Variants in ABCA6 observed in about 807,000 individuals in gnomAD.
ABCA6 encodes ATP binding cassette subfamily A member 6.
ABCA6 carries 164 observed loss-of-function variants against 191.2 expected under a neutral mutation model. The ratio of observed to expected loss-of-function variants is 0.86; its 90% CI spans 0.76 to 0.98. The LOEUF (loss-of-function observed/expected upper bound fraction) is 0.98. Among genes scored for constraint, ABCA6 ranks in the 50% least tolerant of loss-of-function variants. ABCA6 has a pLI of 0.00. For missense variants in ABCA6, 1,958 were observed against 1,894.1 expected, an observed-to-expected ratio of 1.03 and a Z score of -0.63; for synonymous variants, 636 against 647.7, an observed-to-expected ratio of 0.98 and a Z score of 0.27.
intron 36 of ABCA6, among the ~76,000 whole-genome samples, chr17:69,082,223 CT>C (rs2144604237): frequency 6.6e-6 from 1 of 152,026 alleles, no homozygotes; most frequent in South Asian, 2.1e-4. Flanking sequence ...AAAATAGTAG[CT>C]TTTATGTCCT....
Position 69,091,180 on chromosome 17 carries a change from G to A in ABCA6, c.3491C>T (p.Ser1164Leu), listed in dbSNP as rs1200077585. 6.2e-7 allele frequency: 1 copy of A among 1,611,602 alleles called. No individual in the cohort carries two copies. The highest frequency in any genetic ancestry group is 2.2e-5 in the East Asian group (1 of 44,824). ...ILITTMVLVP[S>L]YTLLGFKTFL... Reference sequence around the variant, plus strand: ...AGTTTTAAATCCAAGCAAGGTATATGAAGGAACCAATACCATGGTGGTAAT... The same window carrying A: ...AGTTTTAAATCCAAGCAAGGTATATAAAGGAACCAATACCATGGTGGTAAT... Residue 1164 changes from serine (S) to leucine (L), a missense_variant, in exon 26 of 39, where the codon TCA becomes TTA. Coordinates refer to ENST00000284425, the MANE Select transcript of ABCA6 (RefSeq NM_080284.3).
Position 69,114,681 on chromosome 17 carries a change from A to C in ABCA6, c.1782+81T>G, listed in dbSNP as rs111895110. ...AATTTTATTCATAACAGGGCAAATA[A>C]ATCATTGAAGAGAATTCTGTGGTCA... On this transcript the variant is annotated intron_variant, in intron 13 of 38. Transcript: ENST00000284425. 145 of 1,370,404 alleles carry C rather than the reference A, an allele frequency of 1.1e-4. No individual in the cohort carries two copies. The African/African-American group carries it at 1.5e-3, about 14-fold the overall frequency. 84.9% of individuals were successfully genotyped at this position (1,370,404 alleles called of 1,614,324 possible).
chr17:69,116,391 C>A (rs1331141845), intron 11 of ABCA6, among the ~76,000 whole-genome samples: 1 of 151,946 alleles, frequency 6.6e-6, no homozygotes, highest in Non-Finnish European at 1.5e-5. Context: ...CTATTGTTGT[C>A]GTTGTCATTA....
In ABCA6 at chr17:69,097,983, G is replaced by C. The variant is rs2073088242; in HGVS notation, c.3057C>G (p.Phe1019Leu). The stretch of plus-strand genomic sequence containing the variant: ...AAATGCTACATAGAACCAAAAATAA[G>C]AAAAAGGAACCATCCGGCAACCCAG... ...LWTGLPDGSFFLFLVLCSISP... is the reference protein window; with the variant it reads ...LWTGLPDGSFLLFLVLCSISP... Residue 1019 changes from phenylalanine to leucine, a missense_variant, in exon 23 of 39, where the codon TTC becomes TTG. Transcript: ENST00000284425. 3.7e-6 allele frequency: 6 copies of C among 1,611,480 alleles called. No individual in the cohort carries two copies. The highest frequency in any genetic ancestry group is 5.1e-6 in the Non-Finnish European group (6 of 1,178,976).
At chr17:69,119,484 C>T (rs1349144502) in intron 10 of ABCA6, among the ~76,000 whole-genome samples, 1 of 152,038 alleles carries the variant, frequency 6.6e-6, no homozygotes, top group Non-Finnish European at 1.5e-5. Context: ...AGAATCCATG[C>T]TTCACACAGG....
Position 69,136,722 on chromosome 17 carries a change from G to C in ABCA6, c.302-472C>G, listed in dbSNP as rs141701547. On this transcript the variant is annotated intron_variant, in intron 3 of 38. Coordinates refer to ENST00000284425, the MANE Select transcript of ABCA6 (RefSeq NM_080284.3). Reference sequence around the variant, plus strand: ...CTTGTCAGGAATGGAGGATTAAAGAGTAAATAGCCAAATTGCACCCAATTT... The same window carrying C: ...CTTGTCAGGAATGGAGGATTAAAGACTAAATAGCCAAATTGCACCCAATTT... 4.1e-3 allele frequency among the ~76,000 whole-genome samples: 623 copies of C among 152,194 alleles called. 3 individuals carry two copies. The highest frequency in any genetic ancestry group is 7.0e-3 in the Non-Finnish European group (478 of 67,994).
intron 10 of ABCA6, among the ~76,000 whole-genome samples, chr17:69,118,934 TCA>T (rs752347265): frequency 6.0e-5 from 9 of 150,392 alleles, no homozygotes; most frequent in Non-Finnish European, 1.3e-4. Context: ...TCTGTCTCTC[TCA>T]CACACACACA....
chr17:69,128,519 A>C, intron 8 of ABCA6, 100 bp downstream of exon 8: 1 of 831,990 alleles, frequency 1.2e-6, no homozygotes, highest in Non-Finnish European at 1.7e-6. Context: ...AAAATTGTTT[A>C]GAATAAAAGC....
intron 18 of ABCA6, 116 bp from the exon 19 acceptor site, chr17:69,106,327 T>G (rs776948520): frequency 5.5e-5 from 58 of 1,055,616 alleles, no homozygotes; most frequent in Non-Finnish European, 7.6e-5. Flanking sequence ...GCATGGTGGC[T>G]TATGCCTGTA....
In ABCA6 at chr17:69,100,945, A is replaced by C. The variant is rs1449460896; in HGVS notation, c.2875-11T>G. 6.4e-7 allele frequency: 1 copy of C among 1,567,346 alleles called. No homozygotes were observed. Among genetic ancestry groups the C allele is most frequent in the Non-Finnish European group, 8.7e-7 (1 of 1,152,514 alleles). Reference sequence around the variant, plus strand: ...TGAAAATCTATAATCCTTAAAACAGAAACAAATAAATAATGTTAATGCTAA... The same window carrying C: ...TGAAAATCTATAATCCTTAAAACAGCAACAAATAAATAATGTTAATGCTAA... On this transcript the variant is annotated splice_polypyrimidine_tract_variant and intron_variant, in intron 21 of 38. Coordinates refer to ENST00000284425, the MANE Select transcript of ABCA6 (RefSeq NM_080284.3).
intron 17 of ABCA6, chr17:69,110,548 A>G (rs1331597185): frequency 7.9e-6 from 3 of 380,646 alleles, no homozygotes; most frequent in Admixed American, 4.3e-5. Context: ...TGCCTACCAC[A>G]GTAATCTGCT....
rs9909516 is a variant in ABCA6 at position 69,128,560 on chromosome 17, G to C, written c.1119+59C>G. ...GTTTGAGTAGTGCTGATCCTACAGC[G>C]TATGAAGTATCTACTTCTTTTGAAA... On this transcript the variant is annotated intron_variant, in intron 8 of 38. Coordinates refer to ENST00000284425, the MANE Select transcript of ABCA6 (RefSeq NM_080284.3). The C allele has an allele frequency of 2.9e-6, 4 of 1,363,606 alleles. No homozygotes were observed. The East Asian group carries it at 9.4e-5, about 32-fold the overall frequency. The allele number at this position is 1,363,606 out of a possible 1,614,324, so 84.5% of individuals were successfully genotyped here. A position where few individuals can be genotyped will look rare whatever the true frequency, so the allele number is the denominator to read the frequency against.
chr17:69,131,352 T>C (rs1250884201), intron 6 of ABCA6, among the ~76,000 whole-genome samples: 1 of 152,218 alleles, frequency 6.6e-6, no homozygotes, highest in African/African-American at 2.4e-5. Context: ...ATTAAGCCTG[T>C]GTTAGAAACA....
intron 15 of ABCA6, 145 bp downstream of exon 15, chr17:69,113,077 G>A (rs1392799686): frequency 2.0e-5 from 18 of 886,692 alleles, no homozygotes; most frequent in Admixed American, 1.9e-4. Context: ...TTCCACAGTG[G>A]AACTAGACTC....
rs1393426284 is a variant in ABCA6, at chr17:69,110,743, A to G, written c.2272+58T>C. On this transcript the variant is annotated intron_variant, in intron 17 of 38. Coordinates refer to ENST00000284425, the MANE Select transcript of ABCA6 (RefSeq NM_080284.3). ...TCATTGGACAAAGAAAATTATTTTA[A>G]TAATAATGTGAACATTTTTTCCCAT... 3 of 1,508,318 alleles carry G rather than the reference A, an allele frequency of 2.0e-6. No individual in the cohort carries two copies. The South Asian group carries it at 3.9e-5, about 19-fold the overall frequency. The allele number at this position is 1,508,318 out of a possible 1,614,324, so 93.4% of individuals were successfully genotyped here.
chr17:69,123,947 G>T (rs902714444), intron 9 of ABCA6, among the ~76,000 whole-genome samples: 8 of 151,920 alleles, frequency 5.3e-5, no homozygotes, highest in African/African-American at 1.9e-4. Flanking sequence ...AAGGTATTTA[G>T]GAGAATGAAT....
intron 21 of ABCA6, among the ~76,000 whole-genome samples, chr17:69,102,592 T>G (rs995862826): frequency 2.6e-5 from 4 of 152,194 alleles, no homozygotes; most frequent in Admixed American, 1.3e-4. Context: ...AATATTTTTA[T>G]TGAGTTTAAA....
chr17:69,134,396 G>A (rs1458346090), intron 5 of ABCA6, among the ~76,000 whole-genome samples: 3 of 152,128 alleles, frequency 2.0e-5, no homozygotes, highest in Non-Finnish European at 4.4e-5. Flanking sequence ...TTCATCACGT[G>A]AGGACACTTA....
chr17:69,119,728 A>G (rs2073606274), intron 10 of ABCA6, among the ~76,000 whole-genome samples: 1 of 152,052 alleles, frequency 6.6e-6, no homozygotes, highest in Admixed American at 6.6e-5. Flanking sequence ...TGTGTCATAC[A>G]CATATACATA....
Sources: allele counts gnomAD v4.1 joint callset (sites outside exome capture counted in the v4.1 genomes callset), GRCh38; gene constraint gnomAD v4.1.1; transcripts MANE v1.5; gene names NCBI Gene and HGNC (gene_info 2026-07-23, HGNC 2026-07-21).